Variants in MBD1 observed in about 807,000 individuals in gnomAD.
MBD1 encodes the protein methyl-CpG binding domain protein 1.
In MBD1, 25 loss-of-function variants were observed where a neutral mutation model predicts 82.6. The ratio of observed to expected loss-of-function variants is 0.30; its 90% CI spans 0.22 to 0.42. The LOEUF (loss-of-function observed/expected upper bound fraction) is 0.42, where lower values mean the gene tolerates loss of function less well. Among genes scored for constraint, MBD1 ranks in the 10% least tolerant of loss-of-function variants. The probability of loss-of-function intolerance (pLI) is 1.00; values close to 1 mark genes in which losing one functional copy is unlikely to be tolerated. For synonymous variants in MBD1, 301 were observed against 303.7 expected (o/e 0.99, Z 0.09); for missense variants, 627 against 819.6 (o/e 0.76, Z 2.87).
downstream of MBD1, among the ~76,000 whole-genome samples, chr18:50,268,576 G>GGT (rs2144587340): frequency 6.6e-6 from 1 of 152,350 alleles, no homozygotes; most frequent in South Asian, 2.1e-4. Context: ...GGCCCCGGTG[G>GGT]GTGACTGTGG....
chr18:50,280,126 G>C (rs1052045999), intron 1 of MBD1, 109 bp from the exon 2 acceptor site: 17 of 1,099,850 alleles, frequency 1.5e-5, no homozygotes, highest in South Asian at 1.5e-5. Flanking sequence ...CCAAGCCCTA[G>C]GACCTGCCAC....
Position 50,273,275 on chromosome 18 carries a change from C to T in MBD1, c.1584+59G>A. The T allele has an allele frequency of 2.5e-6, 4 of 1,605,138 alleles. No individual in the cohort carries two copies. In the South Asian group the frequency reaches 3.3e-5, roughly 13 times the overall value. On this transcript the variant is annotated intron_variant, in intron 13 of 16. Transcript: ENST00000269468. ...CAAGAGAACCATCATGGCTCATCAT[C>T]ACTCTGCTTACAGACCACTCCGCTA...
At chr18:50,271,074 T>G (rs1277804848) in intron 16 of MBD1, 3 of 1,024,770 alleles carry the variant, frequency 2.9e-6, no homozygotes, top group Non-Finnish European at 3.5e-6. Context: ...TTCAATTACA[T>G]TTTCAATTGC....
intron 11 of MBD1, 143 bp from the exon 12 acceptor site, chr18:50,274,006 T>C (rs2036716118): frequency 7.6e-7 from 1 of 1,311,824 alleles, no homozygotes. Flanking sequence ...CTGAGCCTGC[T>C]AGTCTCCTAT....
chr18:50,276,027 A>T, intron 6 of MBD1, 46 bp from the exon 7 acceptor site: 1 of 1,594,056 alleles, frequency 6.3e-7, no homozygotes, highest in East Asian at 2.3e-5. Flanking sequence ...CTCCAGAAGC[A>T]CTGGTCCTCC....
downstream of MBD1, chr18:50,267,515 G>A (rs2034050086): frequency 1.0e-6 from 1 of 972,078 alleles, no homozygotes; most frequent in Non-Finnish European, 1.6e-6. Flanking sequence ...AGTGGACCAG[G>A]GTCAGGATGT....
intron 2 of MBD1, 21 bp downstream of exon 2, chr18:50,279,862 T>C (rs768576360): frequency 1.9e-6 from 3 of 1,613,860 alleles, no homozygotes; most frequent in South Asian, 2.2e-5. Context: ...CTCCTGACTC[T>C]GCCCACTACC....
intron 1 of MBD1, among the ~76,000 whole-genome samples, chr18:50,280,649 C>T (rs1278164240): frequency 6.6e-5 from 10 of 152,000 alleles, no homozygotes. Context: ...CTCATCTTTT[C>T]CATTCCTCAC....
chr18:50,279,245 T>G (rs982796745), intron 2 of MBD1, among the ~76,000 whole-genome samples: 1 of 152,254 alleles, frequency 6.6e-6, no homozygotes, highest in Non-Finnish European at 1.5e-5. Flanking sequence ...CCCACCAATG[T>G]AGCTGCTTTC....
Position 50,276,758 on chromosome 18 carries a change from G to A in MBD1, c.393-14C>T. 2 of 1,614,166 alleles carry A rather than the reference G, an allele frequency of 1.2e-6. No homozygotes were observed. Among genetic ancestry groups the A allele is most frequent in the East Asian group, 2.2e-5 (1 of 44,880 alleles). On this transcript the variant is annotated splice_polypyrimidine_tract_variant and intron_variant, in intron 4 of 16. Coordinates refer to ENST00000269468, the MANE Select transcript of MBD1 (RefSeq NM_015846.4). The stretch of plus-strand genomic sequence containing the variant: ...TTCTCACAGCACCTGGGATGGGAAA[G>A]GCAGGTGTGGGGCTCCAAGAGCACC...
chr18:50,271,538 G>A lies in MBD1; in HGVS notation c.1781C>T (p.Ser594Phe). 4.3e-6 allele frequency: 7 copies of A among 1,614,190 alleles called. No individual in the cohort carries two copies. Among genetic ancestry groups the A allele is most frequent in the Non-Finnish European group, 5.9e-6 (7 of 1,180,038 alleles). The change falls in exon 16 of 17, where the codon TCC becomes TTC. Residue 594 changes from serine (S) to phenylalanine (F), a missense_variant and splice_region_variant. By Grantham distance (155) the Ser-to-Phe change is radical (BLOSUM62 -2). Transcript: ENST00000269468. Reference protein sequence around the residue: ...FRDTAVWLPRSKDLKKPGARK... With the variant: ...FRDTAVWLPRFKDLKKPGARK... Reference sequence around the variant, plus strand: ...AGCTCCAGGTTTTTTAAGGTCTTTGGACCTAGGGAAAAGGGAGCAGGTCTG... The same window carrying A: ...AGCTCCAGGTTTTTTAAGGTCTTTGAACCTAGGGAAAAGGGAGCAGGTCTG...
Position 50,276,962 on chromosome 18 carries a change from T to G in MBD1, c.262A>C (p.Lys88Gln). The G allele has an allele frequency of 6.2e-7, 1 of 1,614,212 alleles. No homozygotes were observed. Among genetic ancestry groups the G allele is most frequent in the Non-Finnish European group, 8.5e-7 (1 of 1,180,028 alleles). ...CGAGTCTTGGCTGGCCTTGAAGGCT[T>G]CTTTCGCTTCTTGCTGGCAACCGCC... ...PVAVASKKRK[K>Q]PSRPAKTRKR... is the part of the protein sequence containing the mutation. Residue 88 changes from lysine to glutamine, a missense_variant, in exon 4 of 17, where the codon AAG (lysine) becomes CAG (glutamine). Coordinates refer to ENST00000269468, the MANE Select transcript of MBD1 (RefSeq NM_015846.4).
chr18:50,280,783 A>G (rs760454627), intron 1 of MBD1, among the ~76,000 whole-genome samples: 1 of 151,916 alleles, frequency 6.6e-6, no homozygotes, highest in Non-Finnish European at 1.5e-5. Context: ...CTCTACAGCC[A>G]AAAAGTTCCC....
chr18:50,270,228 T>A (rs2034947777), intron 16 of MBD1: 2 of 1,439,740 alleles, frequency 1.4e-6, no homozygotes, highest in African/African-American at 2.8e-5. Flanking sequence ...CATGTCTGAA[T>A]TACTTAAAGC....
intron 13 of MBD1, 30 bp downstream of exon 13, chr18:50,273,304 C>T: frequency 6.2e-7 from 1 of 1,613,372 alleles, no homozygotes; most frequent in East Asian, 2.2e-5. Flanking sequence ...TCCGCTACGG[C>T]ACCAACAGAA....
Position 50,277,560 on chromosome 18 carries a change from T to C in MBD1, c.111-356A>G, listed in dbSNP as rs951465082. Reference sequence around the variant, plus strand: ...ATATAACATATAAATGTTAGCATTATGTACCAAGTATATATCAAGTAAAGA... The same window carrying C: ...ATATAACATATAAATGTTAGCATTACGTACCAAGTATATATCAAGTAAAGA... On this transcript the variant is annotated intron_variant, in intron 2 of 16. Coordinates refer to ENST00000269468, the MANE Select transcript of MBD1 (RefSeq NM_015846.4). 2.3e-4 allele frequency among the ~76,000 whole-genome samples: 15 copies of C among 64,502 alleles called. No homozygotes were observed. The Admixed American group carries it at 2.8e-3, about 12-fold the overall frequency. 42.3% of individuals were successfully genotyped at this position (64,502 alleles called of 152,430 possible). A position where few individuals can be genotyped will look rare whatever the true frequency, so the allele number is the denominator to read the frequency against.
intron 8 of MBD1, 118 bp downstream of exon 8, chr18:50,275,482 G>T: frequency 6.3e-7 from 1 of 1,595,236 alleles, no homozygotes; most frequent in African/African-American, 1.3e-5. Context: ...CCAGAAAGGC[G>T]AGCATAGGGT....
chr18:50,269,676 T>C lies in MBD1; in HGVS notation c.*175A>G, dbSNP rs2034645061. ...CAGCTTCTTCTGCAGGACACCCACATCATCGAAGCTGGAGGTGGTGAGAGA... is the reference window on the plus strand; with the variant it reads ...CAGCTTCTTCTGCAGGACACCCACACCATCGAAGCTGGAGGTGGTGAGAGA... On this transcript the variant is annotated 3_prime_UTR_variant, in exon 17 of 17. Transcript: ENST00000269468. 5.2e-6 allele frequency: 4 copies of C among 772,186 alleles called. No homozygotes were observed. The highest frequency in any genetic ancestry group is 9.7e-6 in the Non-Finnish European group (4 of 413,268). The allele number at this position is 772,186 out of a possible 1,614,324, so 47.8% of individuals were successfully genotyped here.
At chr18:50,268,616 G>A (rs1229501024), downstream of MBD1, among the ~76,000 whole-genome samples, 1 of 152,202 alleles carries the variant, frequency 6.6e-6, no homozygotes, top group Non-Finnish European at 1.5e-5. Flanking sequence ...TCGCCCCGGC[G>A]CCCCCTGGCG....
Sources: allele counts gnomAD v4.1 joint callset (sites outside exome capture counted in the v4.1 genomes callset), GRCh38; gene constraint gnomAD v4.1.1; transcripts MANE v1.5; gene names NCBI Gene and HGNC (gene_info 2026-07-23, HGNC 2026-07-21).